The following ADAMTS9 variants were observed in gnomAD, a reference collection of about 807,000 sequenced individuals.
ADAMTS9 encodes the protein ADAM metallopeptidase with thrombospondin type 1 motif 9.
In ADAMTS9, 107 loss-of-function variants were observed where a neutral mutation model predicts 257.1. The ratio of observed to expected loss-of-function variants is 0.42; its 90% CI spans 0.36 to 0.49. ADAMTS9 has a LOEUF of 0.49. Among genes scored for constraint, ADAMTS9 ranks in the 20% least tolerant of loss-of-function variants. The probability of loss-of-function intolerance (pLI) is 0.03; values close to 1 mark genes in which losing one functional copy is unlikely to be tolerated. For synonymous variants in ADAMTS9, 982 were observed against 880.9 expected, an observed-to-expected ratio of 1.11 and a Z score of -2.03; for missense variants, 2,353 against 2,469.1, an observed-to-expected ratio of 0.95 and a Z score of 1.00.
intron 3 of ADAMTS9, among the ~76,000 whole-genome samples, chr3:64,675,868 A>G (rs1285539226): frequency 2.0e-5 from 3 of 152,160 alleles, no homozygotes; most frequent in Non-Finnish European, 4.4e-5. Flanking sequence ...TAATGTGTGT[A>G]AAGTGTGTAG....
intron 28 of ADAMTS9, among the ~76,000 whole-genome samples, chr3:64,590,486 T>G (rs1229369282): frequency 6.6e-6 from 1 of 152,196 alleles, no homozygotes; most frequent in African/African-American, 2.4e-5. Flanking sequence ...ATATAACACA[T>G]AGAAATCTGT....
chr3:64,574,720 G>GAC (rs58224950), intron 28 of ADAMTS9, among the ~76,000 whole-genome samples: 93,411 of 150,726 alleles, frequency 0.62, 31,568 homozygotes, highest in African/African-American at 0.88. Flanking sequence ...GACAGGGCAA[G>GAC]ACACACACAC....
chr3:64,603,608 A>G (rs987044283), intron 25 of ADAMTS9, among the ~76,000 whole-genome samples: 1 of 152,134 alleles, frequency 6.6e-6, no homozygotes, highest in Non-Finnish European at 1.5e-5. Context: ...TTGGTCCTCT[A>G]CAAACCTACT....
rs1448687256 is a variant in ADAMTS9 at position 64,658,768 on chromosome 3, C to G, written c.703G>C (p.Asp235His). The G allele has an allele frequency of 1.6e-5, 26 of 1,613,456 alleles. No homozygotes were observed. Among genetic ancestry groups the G allele is most frequent in the Non-Finnish European group, 2.2e-5 (26 of 1,179,768 alleles). Residue 235 changes from aspartate to histidine, a missense_variant, in exon 4 of 40, where the codon GAC (aspartate) becomes CAC (histidine). Coordinates refer to ENST00000498707, the MANE Select transcript of ADAMTS9 (RefSeq NM_182920.2). ...TTTCTTGCTCTGGTTTTCTTCTTGT[C>G]TTTACTGTGCCTATTTTTGTGTTCT... ...TSEHKNRHSK[D>H]KKKTRARKWG... is the part of the protein sequence containing the mutation.
chr3:64,643,445 ATTTTTTTTTTTT>A (rs57471985), intron 11 of ADAMTS9, among the ~76,000 whole-genome samples: 4 of 61,418 alleles, frequency 6.5e-5, no homozygotes, highest in African/African-American at 2.8e-4. Context: ...TTACTCAATA[ATTTTTTTTTTTT>A]TTTTTTTTTT....
At chr3:64,661,625 T>G (rs761277124) in intron 3 of ADAMTS9, among the ~76,000 whole-genome samples, 2 of 152,174 alleles carry the variant, frequency 1.3e-5, no homozygotes, top group African/African-American at 2.4e-5. Context: ...CAGCTACGGT[T>G]TGAAATGAGC....
chr3:64,523,737 T>C (rs773972120), intron 38 of ADAMTS9, among the ~76,000 whole-genome samples: 1 of 152,198 alleles, frequency 6.6e-6, no homozygotes, highest in South Asian at 2.1e-4. Flanking sequence ...TTACCCATCA[T>C]CCATTTTGTG....
chr3:64,634,079 C>T (rs1360291103), intron 12 of ADAMTS9, among the ~76,000 whole-genome samples, 200 bp from the exon 13 acceptor site: 1 of 151,998 alleles, frequency 6.6e-6, no homozygotes, highest in Non-Finnish European at 1.5e-5. Context: ...GGGTAAGTCA[C>T]TTGGCCTCCG....
intron 28 of ADAMTS9, among the ~76,000 whole-genome samples, chr3:64,572,862 A>C (rs2083728293): frequency 6.6e-6 from 1 of 151,904 alleles, no homozygotes; most frequent in Non-Finnish European, 1.5e-5. Context: ...GGCGGATCAC[A>C]AGGTCAAGAG....
intron 37 of ADAMTS9, among the ~76,000 whole-genome samples, chr3:64,537,022 C>A (rs768260): frequency 6.6e-6 from 1 of 152,038 alleles, no homozygotes; most frequent in Non-Finnish European, 1.5e-5. Context: ...TCCACAATCA[C>A]GCTTTCTACA....
rs146212444 is a variant in ADAMTS9 at position 64,623,050 on chromosome 3, C to G, written c.2390-464G>C. Among the ~76,000 whole-genome samples, 336 of 152,226 alleles carry G rather than the reference C, an allele frequency of 2.2e-3. 8 individuals carry two copies. The East Asian group carries it at 0.032, about 15-fold the overall frequency. ...TCTTTGTTAAGTCTTTTTTGTTTGA[C>G]AGATGTTGAAATCTGAAAATCCATG... On this transcript the variant is annotated intron_variant, in intron 16 of 39. Coordinates refer to ENST00000498707, the MANE Select transcript of ADAMTS9 (RefSeq NM_182920.2).
At chr3:64,549,939 A>C in intron 31 of ADAMTS9, among the ~76,000 whole-genome samples, 1 of 146,990 alleles carries the variant, frequency 6.8e-6, no homozygotes, top group East Asian at 2.2e-4. Context: ...CATCTCATTA[A>C]CATGTGAAAT....
At chr3:64,656,025 T>C (rs922723894) in intron 4 of ADAMTS9, 150 bp from the exon 5 acceptor site, 1 of 532,674 alleles carries the variant, frequency 1.9e-6, no homozygotes, top group Non-Finnish European at 3.4e-6. Context: ...TCAACAACAC[T>C]TTTTGTAAAG....
intron 22 of ADAMTS9, among the ~76,000 whole-genome samples, chr3:64,611,773 G>A (rs1210644492): frequency 6.6e-6 from 1 of 152,118 alleles, no homozygotes; most frequent in African/African-American, 2.4e-5. Flanking sequence ...TGTGCAGCCT[G>A]GTTCTTTACA....
chr3:64,594,138 T>C, intron 28 of ADAMTS9, 120 bp downstream of exon 28: 1 of 1,077,966 alleles, frequency 9.3e-7, no homozygotes, highest in Non-Finnish European at 1.3e-6. Flanking sequence ...AATAGACTAT[T>C]TATAGCAGAG....
intron 28 of ADAMTS9, among the ~76,000 whole-genome samples, chr3:64,585,158 G>T (rs1360773593): frequency 6.6e-6 from 1 of 152,156 alleles, no homozygotes; most frequent in Non-Finnish European, 1.5e-5. Context: ...TTAAATAAAT[G>T]ATTGGGGAAA....
intron 3 of ADAMTS9, among the ~76,000 whole-genome samples, chr3:64,680,027 A>G (rs919056409): frequency 6.6e-6 from 1 of 152,210 alleles, no homozygotes; most frequent in Non-Finnish European, 1.5e-5. Context: ...GGATGGGATA[A>G]AGCCAAAAGA....
chr3:64,634,289 G>A (rs1700440318), intron 12 of ADAMTS9, among the ~76,000 whole-genome samples: 1 of 152,178 alleles, frequency 6.6e-6, no homozygotes. Flanking sequence ...CCCAAGAGTA[G>A]TTTGGAATGC....
chr3:64,661,096 C>T (rs1464082209), intron 3 of ADAMTS9, among the ~76,000 whole-genome samples: 1 of 152,112 alleles, frequency 6.6e-6, no homozygotes, highest in African/African-American at 2.4e-5. Flanking sequence ...AACATATACA[C>T]CAAGGGTAAG....
Sources: allele counts gnomAD v4.1 joint callset (sites outside exome capture counted in the v4.1 genomes callset), GRCh38; gene constraint gnomAD v4.1.1; transcripts MANE v1.5; gene names NCBI Gene and HGNC (gene_info 2026-07-23, HGNC 2026-07-21).